EYS: variants seen among roughly 807,000 people sequenced by gnomAD.
EYS encodes EGF-like photoreceptor maintenance factor, also known as protein eyes shut homolog.
In EYS, 250 loss-of-function variants were observed where a neutral mutation model predicts 282.1. The ratio of observed to expected loss-of-function variants is 0.89; its 90% confidence interval spans 0.80 to 0.98. The LOEUF (loss-of-function observed/expected upper bound fraction) is 0.98. EYS is among the 50% of genes least tolerant of loss of function. The pLI is 0.00. For missense variants in EYS, 4,016 were observed against 3,709.0 expected (o/e 1.08, Z -2.15); for synonymous variants, 1,355 against 1,282.9 (o/e 1.06, Z -1.20).
At chr6:65,416,560 T>C (rs1256765229) in intron 5 of EYS, among the ~76,000 whole-genome samples, 2 of 152,020 alleles carry the variant, frequency 1.3e-5, no homozygotes, top group African/African-American at 4.8e-5. Flanking sequence ...CTAGCTCTGC[T>C]ATCCTAACAA....
intron 11 of EYS, among the ~76,000 whole-genome samples, chr6:65,333,082 T>C (rs1028666804): frequency 6.6e-5 from 10 of 151,414 alleles, no homozygotes; most frequent in African/African-American, 2.4e-4. Context: ...AATTTTACTC[T>C]ACATTTTATG....
intron 23 of EYS, among the ~76,000 whole-genome samples, chr6:64,621,593 T>C (rs974482130): frequency 6.6e-6 from 1 of 152,196 alleles, no homozygotes; most frequent in Non-Finnish European, 1.5e-5. Flanking sequence ...TCTGTATCTC[T>C]TTTGTTCTAA....
In EYS at chr6:65,614,220, C is replaced by G. The variant is rs373310291; in HGVS notation, c.-333+25558G>C. On this transcript the variant is annotated intron_variant, in intron 2 of 42. Transcript: ENST00000503581. ...TGAGTGTTTTTGGAGATATGGACCC[C>G]CAAACAGATGGTGAGATGCTGAAAA... 2.0e-5 allele frequency among the ~76,000 whole-genome samples: 3 copies of G among 151,972 alleles called. No individual in the cohort carries two copies. In the East Asian group the frequency reaches 5.8e-4, roughly 29 times the overall value.
At chr6:64,191,473 C>A (rs1765103476) in intron 31 of EYS, among the ~76,000 whole-genome samples, 1 of 129,030 alleles carries the variant, frequency 7.8e-6, no homozygotes, top group Admixed American at 7.8e-5. Flanking sequence ...CCAGTGCTAT[C>A]CCTTCCCCCC....
chr6:65,180,146 A>G (rs1460305191), intron 12 of EYS, among the ~76,000 whole-genome samples: 1 of 152,094 alleles, frequency 6.6e-6, no homozygotes, highest in Non-Finnish European at 1.5e-5. Context: ...AAACGGGCAC[A>G]AGACAGGGCT....
At chr6:65,434,128 A>G (rs918612777) in intron 5 of EYS, among the ~76,000 whole-genome samples, 5 of 152,204 alleles carry the variant, frequency 3.3e-5, no homozygotes, top group Admixed American at 1.3e-4. Flanking sequence ...GGAGGAGTGA[A>G]TAGTGCAGCA....
At chr6:65,552,608 T>A (rs9342485) in intron 2 of EYS, among the ~76,000 whole-genome samples, 83,465 of 151,898 alleles carry the variant, frequency 0.55, 22,961 homozygotes, top group East Asian at 0.71. Flanking sequence ...AAGCTGAAAT[T>A]TTCAATTTAT....
At position 64,958,680 on chromosome 6, in the gene EYS, A is replaced by AGCGG. The variant is rs1032885136; in HGVS notation, c.2260-12770_2260-12767dup. Among the ~76,000 whole-genome samples, 15 of 131,796 alleles carry AGCGG rather than the reference A, an allele frequency of 1.1e-4. No individual in the cohort carries two copies. In the Admixed American group the frequency reaches 1.2e-3, roughly 11 times the overall value. 86.5% of individuals were successfully genotyped at this position (131,796 alleles called of 152,430 possible). A position where few individuals can be genotyped will look rare whatever the true frequency, so the allele number is the denominator to read the frequency against. ...AACCCGGAAGGCGGAGCTTGCAGTG[A>AGCGG]GCGGAGATCGCGCCACAGCACTCCA... On this transcript the variant is annotated intron_variant, in intron 14 of 42. Coordinates refer to ENST00000503581, the MANE Select transcript of EYS (RefSeq NM_001142800.2).
At chr6:64,437,559 T>A (rs1239649110) in intron 27 of EYS, among the ~76,000 whole-genome samples, 1 of 151,696 alleles carries the variant, frequency 6.6e-6, no homozygotes, top group Non-Finnish European at 1.5e-5. Context: ...TCACATGTGC[T>A]TTGTGCTAAA....
intron 12 of EYS, among the ~76,000 whole-genome samples, chr6:65,165,644 A>G (rs182215815): frequency 2.0e-5 from 3 of 151,284 alleles, no homozygotes; most frequent in South Asian, 2.1e-4. Context: ...ATCCTCAGCT[A>G]CATTATACTT....
chr6:65,681,575 T>G (rs900245583), intron 1 of EYS, among the ~76,000 whole-genome samples: 1 of 151,902 alleles, frequency 6.6e-6, no homozygotes, highest in Admixed American at 6.6e-5. Flanking sequence ...TTATTTAAAT[T>G]TTCCCCTTAG....
At chr6:63,922,490 G>T (rs543670564) in intron 35 of EYS, among the ~76,000 whole-genome samples, 2 of 152,318 alleles carry the variant, frequency 1.3e-5, no homozygotes, top group Admixed American at 1.3e-4. Context: ...GTGAACCTGG[G>T]AGGCGGAGGT....
Position 63,864,365 on chromosome 6 carries a change from A to AG in EYS, c.7056-8dup. On this transcript the variant is annotated splice_region_variant and splice_polypyrimidine_tract_variant and intron_variant, in intron 35 of 42. Coordinates refer to ENST00000503581, the MANE Select transcript of EYS (RefSeq NM_001142800.2). ...AAACAGATTTTCATTATCACTGAGA[A>AG]GGGAAAAAATTTAAAAATTCATTAG... is the stretch of plus-strand genomic sequence containing the variant. 1 of 1,548,392 alleles carries AG rather than the reference A, an allele frequency of 6.5e-7. No homozygotes were observed. The highest frequency in any genetic ancestry group is 8.7e-7 in the Non-Finnish European group (1 of 1,144,706).
At chr6:64,578,553 C>T (rs1691706664) in intron 26 of EYS, among the ~76,000 whole-genome samples, 1 of 151,832 alleles carries the variant, frequency 6.6e-6, no homozygotes, top group Admixed American at 6.6e-5. Flanking sequence ...CACACTTGTT[C>T]TACTTCTACT....
intron 29 of EYS, among the ~76,000 whole-genome samples, chr6:64,381,839 C>A (rs1005629571): frequency 6.6e-6 from 1 of 152,136 alleles, no homozygotes; most frequent in Non-Finnish European, 1.5e-5. Flanking sequence ...GTTAAGTAAG[C>A]AAATTCATCT....
intron 19 of EYS, among the ~76,000 whole-genome samples, chr6:64,848,545 A>T (rs1330219479): frequency 6.6e-6 from 1 of 152,116 alleles, no homozygotes; most frequent in Non-Finnish European, 1.5e-5. Flanking sequence ...TGATGTTTTC[A>T]AACAATCAAC....
At chr6:65,635,873 T>G (rs1012226896) in intron 2 of EYS, among the ~76,000 whole-genome samples, 1 of 152,092 alleles carries the variant, frequency 6.6e-6, no homozygotes, top group Non-Finnish European at 1.5e-5. Context: ...TCCTACAATT[T>G]CATCTCTGCC....
chr6:65,332,483 AT>A, intron 11 of EYS: 1 of 1,213,662 alleles, frequency 8.2e-7, no homozygotes, highest in Non-Finnish European at 1.2e-6. Context: ...AAGTCTATGC[AT>A]TATATTTCCA....
chr6:64,424,284 T>C (rs1312993032), intron 28 of EYS, among the ~76,000 whole-genome samples: 1 of 152,228 alleles, frequency 6.6e-6, no homozygotes, highest in Non-Finnish European at 1.5e-5. Context: ...CATAGGCATC[T>C]GTTTAAAAAC....
Sources: allele counts gnomAD v4.1 joint callset (sites outside exome capture counted in the v4.1 genomes callset), GRCh38; gene constraint gnomAD v4.1.1; transcripts MANE v1.5; gene names NCBI Gene and HGNC (gene_info 2026-07-23, HGNC 2026-07-21).